Variants in PPM1H observed in about 807,000 individuals in gnomAD.
PPM1H encodes protein phosphatase, Mg2+/Mn2+ dependent 1H, also known as protein phosphatase 1H.
PPM1H carries 27 observed loss-of-function variants against 54.9 expected under a neutral mutation model. The ratio of observed to expected loss-of-function variants is 0.49; its 90% CI spans 0.36 to 0.68. PPM1H has a LOEUF of 0.68. Ranked by LOEUF, PPM1H falls within the 30% of genes least tolerant of loss-of-function variation. The pLI, the probability that PPM1H is intolerant of heterozygous loss-of-function variation, is 0.00. For synonymous variants in PPM1H, 305 were observed against 270.8 expected (o/e 1.13, Z -1.24); for missense variants, 596 against 667.8 (o/e 0.89, Z 1.19).
chr12:62,656,260 A>G (rs989001374), intron 9 of PPM1H, among the ~76,000 whole-genome samples: 6 of 152,158 alleles, frequency 3.9e-5, no homozygotes, highest in African/African-American at 1.4e-4. Context: ...GCTCTGGAAG[A>G]AGTTTTTAGC....
intron 1 of PPM1H, among the ~76,000 whole-genome samples, chr12:62,885,308 C>T (rs553086068): frequency 1.3e-5 from 2 of 152,144 alleles, no homozygotes; most frequent in South Asian, 4.1e-4. Flanking sequence ...TTGGTCTCAG[C>T]TCCTAGAGGA....
intron 5 of PPM1H, among the ~76,000 whole-genome samples, chr12:62,732,243 T>C (rs565355720): frequency 6.6e-6 from 1 of 152,272 alleles, no homozygotes; most frequent in South Asian, 2.1e-4. Flanking sequence ...CCTGAGAATC[T>C]ATGAAACAAA....
intron 4 of PPM1H, among the ~76,000 whole-genome samples, chr12:62,750,966 C>T (rs967575058): frequency 1.3e-5 from 2 of 152,234 alleles, no homozygotes; most frequent in South Asian, 2.1e-4. Flanking sequence ...CAATACCGTA[C>T]GGTTCCCCAG....
At chr12:62,866,159 C>T (rs1442467745) in intron 1 of PPM1H, among the ~76,000 whole-genome samples, 1 of 152,124 alleles carries the variant, frequency 6.6e-6, no homozygotes, top group Non-Finnish European at 1.5e-5. Flanking sequence ...TTTTTTTACT[C>T]TCTTCTTCCT....
intron 1 of PPM1H, among the ~76,000 whole-genome samples, chr12:62,876,804 T>G (rs1044687813): frequency 9.2e-5 from 14 of 152,194 alleles, no homozygotes; most frequent in African/African-American, 3.4e-4. Flanking sequence ...AGTAGTCCCT[T>G]ACAAACCCAA....
chr12:62,671,807 G>C (rs2075958370), intron 8 of PPM1H, among the ~76,000 whole-genome samples: 1 of 152,168 alleles, frequency 6.6e-6, no homozygotes, highest in Non-Finnish European at 1.5e-5. Flanking sequence ...AGAAAGGTGG[G>C]TGTCACTCTC....
intron 2 of PPM1H, among the ~76,000 whole-genome samples, chr12:62,816,274 T>C (rs921324217): frequency 5.3e-5 from 8 of 152,200 alleles, no homozygotes; most frequent in Non-Finnish European, 5.9e-5. Context: ...AAAAAGGCAA[T>C]AATAATACAT....
At chr12:62,717,304 T>C (rs2076240141) in intron 6 of PPM1H, among the ~76,000 whole-genome samples, 1 of 152,224 alleles carries the variant, frequency 6.6e-6, no homozygotes, top group South Asian at 2.1e-4. Context: ...GTTTGGGGAA[T>C]TAGGCTGAAA....
chr12:62,754,706 C>A (rs1053297438), intron 4 of PPM1H, among the ~76,000 whole-genome samples: 1 of 152,218 alleles, frequency 6.6e-6, no homozygotes, highest in Non-Finnish European at 1.5e-5. Flanking sequence ...AAACCCCTTC[C>A]TTGTCCAGCT....
intron 4 of PPM1H, among the ~76,000 whole-genome samples, chr12:62,779,614 T>C (rs2076630146): frequency 6.6e-6 from 1 of 152,214 alleles, no homozygotes; most frequent in Non-Finnish European, 1.5e-5. Flanking sequence ...AGTACTATCA[T>C]TATCTCCATT....
At chr12:62,689,968 C>A (rs772263226) in intron 7 of PPM1H, among the ~76,000 whole-genome samples, 162 bp from the exon 8 acceptor site, 7 of 152,172 alleles carry the variant, frequency 4.6e-5, no homozygotes, top group African/African-American at 7.2e-5. Flanking sequence ...TAGCTCTTAC[C>A]AAGAAAGGGC....
At chr12:62,738,517 T>A (rs1295148021) in intron 4 of PPM1H, among the ~76,000 whole-genome samples, 1 of 152,146 alleles carries the variant, frequency 6.6e-6, no homozygotes, top group African/African-American at 2.4e-5. Context: ...TCGATAACCA[T>A]GAGCAACCTT....
At chr12:62,717,657 A>G (rs2076242934) in intron 6 of PPM1H, among the ~76,000 whole-genome samples, 1 of 152,204 alleles carries the variant, frequency 6.6e-6, no homozygotes, top group Non-Finnish European at 1.5e-5. Context: ...ACAAGCCACT[A>G]AAAACAAAAA....
At chr12:62,718,506 A>G (rs1308327887) in intron 6 of PPM1H, among the ~76,000 whole-genome samples, 2 of 152,066 alleles carry the variant, frequency 1.3e-5, no homozygotes, top group South Asian at 4.2e-4. Flanking sequence ...CTCCCAGTAA[A>G]TCTAAACTTG....
At chr12:62,765,434 T>G (rs1394033934) in intron 4 of PPM1H, among the ~76,000 whole-genome samples, 1 of 152,222 alleles carries the variant, frequency 6.6e-6, no homozygotes, top group Non-Finnish European at 1.5e-5. Context: ...TGACTGCACC[T>G]ACTTGTCTTT....
At chr12:62,918,227 T>C (rs1032038554) in intron 1 of PPM1H, among the ~76,000 whole-genome samples, 1 of 152,138 alleles carries the variant, frequency 6.6e-6, no homozygotes, top group Non-Finnish European at 1.5e-5. Flanking sequence ...CTTCAAGTTA[T>C]TGATCATGGT....
chr12:62,663,082 G>A (rs2075894214), intron 9 of PPM1H, among the ~76,000 whole-genome samples: 2 of 152,072 alleles, frequency 1.3e-5, no homozygotes, highest in Admixed American at 1.3e-4. Context: ...TGGGGGAGGT[G>A]CTATAAAGTA....
At chr12:62,796,702 T>C (rs2076736261) in intron 3 of PPM1H, among the ~76,000 whole-genome samples, 1 of 152,132 alleles carries the variant, frequency 6.6e-6, no homozygotes. Flanking sequence ...CATCAGCTGT[T>C]GGTGATCAAC....
intron 4 of PPM1H, among the ~76,000 whole-genome samples, chr12:62,785,703 A>G (rs768879379): frequency 6.6e-6 from 1 of 152,176 alleles, no homozygotes; most frequent in Non-Finnish European, 1.5e-5. Flanking sequence ...GCACCTAAGT[A>G]CAACAGAAGG....
Sources: allele counts gnomAD v4.1 joint callset (sites outside exome capture counted in the v4.1 genomes callset), GRCh38; gene constraint gnomAD v4.1.1; transcripts MANE v1.5; gene names NCBI Gene and HGNC (gene_info 2026-07-23, HGNC 2026-07-21).